PPP2R1A: variants seen among roughly 807,000 people sequenced by gnomAD.
PPP2R1A encodes protein phosphatase 2 scaffold subunit Aalpha, also known as serine/threonine-protein phosphatase 2A 65 kDa regulatory subunit A alpha isoform.
In PPP2R1A, 15 loss-of-function variants were observed where a neutral mutation model predicts 67.1. That is an observed-to-expected ratio of 0.22 (90% CI 0.15 to 0.34). The LOEUF (loss-of-function observed/expected upper bound fraction) is 0.34. Ranked by LOEUF, PPP2R1A falls within the 10% of genes least tolerant of loss-of-function variation. The probability of loss-of-function intolerance (pLI) is 1.00; values close to 1 mark genes in which losing one functional copy is unlikely to be tolerated. For missense variants in PPP2R1A, 369 were observed against 775.0 expected (o/e 0.48, Z 6.22); for synonymous variants, 337 against 325.0 (o/e 1.04, Z -0.40).
chr19:52,191,591 T>G (rs1285905354), intron 1 of PPP2R1A, among the ~76,000 whole-genome samples: 1 of 152,090 alleles, frequency 6.6e-6, no homozygotes, highest in Non-Finnish European at 1.5e-5. Context: ...GGCATACAGG[T>G]TGTGGTTGTA....
chr19:52,217,839 G>C (rs1382636126), intron 9 of PPP2R1A, among the ~76,000 whole-genome samples: 1 of 152,110 alleles, frequency 6.6e-6, no homozygotes, highest in Non-Finnish European at 1.5e-5. Context: ...TGACTGGAGA[G>C]ATCATCAGGG....
intron 1 of PPP2R1A, chr19:52,201,492 C>T (rs1398238684): frequency 6.5e-6 from 1 of 154,558 alleles, no homozygotes; most frequent in Admixed American, 6.4e-5. Flanking sequence ...AAATGGGACT[C>T]CAGCTAGTGA....
chr19:52,199,666 G>A (rs1052639018), intron 1 of PPP2R1A, among the ~76,000 whole-genome samples: 1 of 152,222 alleles, frequency 6.6e-6, no homozygotes, highest in African/African-American at 2.4e-5. Context: ...CGCAAGCAGA[G>A]TTCAGTAGTT....
intron 1 of PPP2R1A, among the ~76,000 whole-genome samples, chr19:52,190,523 G>C (rs991859766): frequency 6.6e-6 from 1 of 152,240 alleles, no homozygotes; most frequent in African/African-American, 2.4e-5. Context: ...ATGGCCTCTT[G>C]GGGATGTGGG....
chr19:52,227,396 C>T lies in PPP2R1A; in HGVS notation c.*1415C>T, dbSNP rs1430657507. The T allele has an allele frequency of 6.6e-6, 1 of 152,312 alleles. No individual in the cohort carries two copies. The highest frequency in any genetic ancestry group is 2.4e-5 in the African/African-American group (1 of 41,548). 9.4% of individuals were successfully genotyped at this position (152,312 alleles called of 1,614,324 possible). A position where few individuals can be genotyped will look rare whatever the true frequency, so the allele number is the denominator to read the frequency against. On this transcript the variant is annotated 3_prime_UTR_variant, in exon 15 of 15. Coordinates refer to ENST00000322088, the MANE Select transcript of PPP2R1A (RefSeq NM_014225.6). ...TCCCCGAGGCTGTGAAGAGCCATGC[C>T]AGTACTGTCACCTGGGAGAATTAAA...
intron 1 of PPP2R1A, chr19:52,191,327 T>G (rs989214349): frequency 6.6e-6 from 1 of 152,268 alleles, no homozygotes; most frequent in Non-Finnish European, 1.5e-5. Context: ...TATGGGCTAA[T>G]TGTAGTCCTG....
rs1277013471 is a variant in PPP2R1A at position 52,211,527 on chromosome 19, C to G, written c.503+35C>G. On this transcript the variant is annotated intron_variant, in intron 4 of 14. Coordinates refer to ENST00000322088, the MANE Select transcript of PPP2R1A (RefSeq NM_014225.6). The surrounding 1 kb of genome is among the most constrained non-coding windows in gnomAD (Gnocchi z 5.3). ...TGCCTCCTTGGAAGCTCCAAGCTCC[C>G]ATCTCAGCTCCAACCTTCTCTAAAG... The G allele has an allele frequency of 1.3e-6, 2 of 1,572,578 alleles. No individual in the cohort carries two copies. Among genetic ancestry groups the G allele is most frequent in the South Asian group, 2.3e-5 (2 of 85,622 alleles).
Position 52,211,375 on chromosome 19 carries a change from T to C in PPP2R1A, c.386T>C (p.Val129Ala). The change falls in exon 4 of 15, where the codon GTG becomes GCG. Residue 129 changes from valine to alanine, a missense_variant. Transcript: ENST00000322088. The surrounding 1 kb of genome is among the most constrained non-coding windows in gnomAD (Gnocchi z 5.3). Reference sequence around the variant, plus strand: ...CCCTCTGACCTGGAGGCGCACTTTGTGCCGCTAGTGAAGCGGCTGGCGGGC... The same window carrying C: ...CCCTCTGACCTGGAGGCGCACTTTGCGCCGCTAGTGAAGCGGCTGGCGGGC... ...HSPSDLEAHFVPLVKRLAGGD... is the reference protein window; with the variant it reads ...HSPSDLEAHFAPLVKRLAGGD... 6.2e-7 allele frequency: 1 copy of C among 1,614,200 alleles called. No individual in the cohort carries two copies. Among genetic ancestry groups the C allele is most frequent in the Non-Finnish European group, 8.5e-7 (1 of 1,180,022 alleles).
intron 13 of PPP2R1A, among the ~76,000 whole-genome samples, chr19:52,223,236 C>T (rs1979052810): frequency 1.3e-5 from 2 of 152,074 alleles, no homozygotes; most frequent in South Asian, 2.1e-4. Context: ...GAAGGCTCGC[C>T]TCAATGCATA....
rs1014432911 is a variant in PPP2R1A at position 52,212,139 on chromosome 19, G to A, written c.504-547G>A. Among the ~76,000 whole-genome samples, 1 of 152,242 alleles carries A rather than the reference G, an allele frequency of 6.6e-6. No homozygotes were observed. The highest frequency in any genetic ancestry group is 2.4e-5 in the African/African-American group (1 of 41,460). On this transcript the variant is annotated intron_variant, in intron 4 of 14. Transcript: ENST00000322088. The surrounding 1 kb of genome is among the most constrained non-coding windows in gnomAD (Gnocchi z 4.1). ...CTCGCTCTGTCATCCAGGCTGAAGT[G>A]CACTGGTGCAGTCATAGCCCACTGC...
At chr19:52,194,137 A>G (rs2089478553) in intron 1 of PPP2R1A, among the ~76,000 whole-genome samples, 1 of 150,398 alleles carries the variant, frequency 6.6e-6, no homozygotes. Context: ...AGGTACAGGG[A>G]ATAGAGCAAG....
intron 9 of PPP2R1A, among the ~76,000 whole-genome samples, chr19:52,217,642 T>A (rs957305133): frequency 6.6e-6 from 1 of 152,172 alleles, no homozygotes; most frequent in African/African-American, 2.4e-5. Context: ...TGCTCTAATA[T>A]AGACCCCAGA....
Position 52,194,830 on chromosome 19 carries a change from T to A in PPP2R1A, c.78+4656T>A, listed in dbSNP as rs536236087. On this transcript the variant is annotated intron_variant, in intron 1 of 14. Coordinates refer to ENST00000322088, the MANE Select transcript of PPP2R1A (RefSeq NM_014225.6). ...AGTGAAATTGGCTTGCTCATTGTTC[T>A]GCGGTAGTCATATGGTGGGGATTGA... Among the ~76,000 whole-genome samples the A allele has an allele frequency of 2.6e-5, 4 of 152,300 alleles. No individual in the cohort carries two copies. The South Asian group carries it at 8.3e-4, about 32-fold the overall frequency.
At position 52,226,163 on chromosome 19, in the gene PPP2R1A, C is replaced by T; in HGVS notation, c.*182C>T. 1.1e-6 allele frequency: 1 copy of T among 937,662 alleles called. No individual in the cohort carries two copies. Among genetic ancestry groups the T allele is most frequent in the Non-Finnish European group, 1.6e-6 (1 of 623,192 alleles). The allele number at this position is 937,662 out of a possible 1,614,324, so 58.1% of individuals were successfully genotyped here. A position where few individuals can be genotyped will look rare whatever the true frequency, so the allele number is the denominator to read the frequency against. On this transcript the variant is annotated 3_prime_UTR_variant, in exon 15 of 15. Coordinates refer to ENST00000322088, the MANE Select transcript of PPP2R1A (RefSeq NM_014225.6). ...TGGGAAGATGTCTCACTGTCCACCT[C>T]CCAACGGGCTAGGGGAGCACGGGGT...
At chr19:52,199,323 C>A (rs539677823) in intron 1 of PPP2R1A, among the ~76,000 whole-genome samples, 2 of 152,066 alleles carry the variant, frequency 1.3e-5, no homozygotes, top group African/African-American at 4.8e-5. Flanking sequence ...CCCGCCACCA[C>A]GCCCGGCTAA....
chr19:52,196,188 G>T (rs1023466869), intron 1 of PPP2R1A, among the ~76,000 whole-genome samples: 2 of 151,084 alleles, frequency 1.3e-5, no homozygotes, highest in African/African-American at 2.4e-5. Context: ...GATAGTCAGT[G>T]CACAGGGAAT....
rs1273478629 is a variant in PPP2R1A at position 52,213,131 on chromosome 19, A to C, written c.807+21A>C. 2.0e-6 allele frequency: 3 copies of C among 1,534,596 alleles called. No homozygotes were observed. The highest frequency in any genetic ancestry group is 1.7e-6 in the Non-Finnish European group (2 of 1,146,392). On this transcript the variant is annotated intron_variant, in intron 6 of 14. Transcript: ENST00000322088. This position sits in a 1 kb window ranked among gnomAD's most constrained non-coding sequence, Gnocchi z 4.2. ...CAGAGGTAGATGAGCGACCGTTGACATTGTCCCACTGGTGGGGACACTGAC... is the reference window on the plus strand; with the variant it reads ...CAGAGGTAGATGAGCGACCGTTGACCTTGTCCCACTGGTGGGGACACTGAC...
intron 9 of PPP2R1A, among the ~76,000 whole-genome samples, chr19:52,217,479 G>A (rs995041752): frequency 1.3e-5 from 2 of 152,170 alleles, no homozygotes; most frequent in Non-Finnish European, 2.9e-5. Context: ...GATTATAGGC[G>A]TGAGCCGCTG....
Position 52,211,170 on chromosome 19 carries a change from AGATGAGCCCAT to A in PPP2R1A, c.271-85_271-75del, listed in dbSNP as rs1292907056. ...GGTAATAGGGAAGTTTTCTCTGAGG[AGATGAGCCCAT>A]GATGGGGTGCAGGATGGGGCTCCAG... On this transcript the variant is annotated intron_variant, in intron 3 of 14. Coordinates refer to ENST00000322088, the MANE Select transcript of PPP2R1A (RefSeq NM_014225.6). This position sits in a 1 kb window ranked among gnomAD's most constrained non-coding sequence, Gnocchi z 5.3. 3.2e-6 allele frequency: 4 copies of A among 1,238,520 alleles called. No individual in the cohort carries two copies. The highest frequency in any genetic ancestry group is 4.5e-6 in the Non-Finnish European group (4 of 882,134). 76.7% of individuals were successfully genotyped at this position (1,238,520 alleles called of 1,614,324 possible).
Sources: allele counts gnomAD v4.1 joint callset (sites outside exome capture counted in the v4.1 genomes callset), GRCh38; gene constraint gnomAD v4.1.1; non-coding constraint Gnocchi (gnomAD v3.1); transcripts MANE v1.5; gene names NCBI Gene and HGNC (gene_info 2026-07-23, HGNC 2026-07-21).